Variants in TRPM1 observed in about 807,000 individuals in gnomAD.
The protein encoded by TRPM1 is transient receptor potential cation channel subfamily M member 1.
Under a neutral mutation model 149.4 loss-of-function variants are expected in TRPM1, and 113 were observed. That is an observed-to-expected ratio of 0.76 (90% CI 0.65 to 0.88). The LOEUF (loss-of-function observed/expected upper bound fraction) is 0.88, where lower values mean the gene tolerates loss of function less well. Among genes scored for constraint, TRPM1 ranks in the 40% least tolerant of loss-of-function variants. The pLI is 0.00. For missense variants in TRPM1, 1,976 were observed against 2,038.7 expected (o/e 0.97, Z 0.59); for synonymous variants, 741 against 759.5 (o/e 0.98, Z 0.40).
At chr15:31,147,575 T>A (rs1419884919) in intron 1 of TRPM1, among the ~76,000 whole-genome samples, 1 of 152,196 alleles carries the variant, frequency 6.6e-6, no homozygotes, top group Non-Finnish European at 1.5e-5. Context: ...GACTAAGGAT[T>A]CCCAGTGGCT....
chr15:31,027,415 C>T (rs762172087), intron 25 of TRPM1, among the ~76,000 whole-genome samples: 2 of 152,168 alleles, frequency 1.3e-5, no homozygotes, highest in South Asian at 2.1e-4. Context: ...CTATGTGTAG[C>T]GGTATAAGCC....
At chr15:31,006,623 T>C (rs1201521927) in intron 27 of TRPM1, among the ~76,000 whole-genome samples, 1 of 152,232 alleles carries the variant, frequency 6.6e-6, no homozygotes, top group Non-Finnish European at 1.5e-5. Context: ...GTAGGATAAA[T>C]ACCTAGGAGT....
chr15:31,131,451 T>C (rs1015230457), intron 1 of TRPM1, among the ~76,000 whole-genome samples: 2 of 151,962 alleles, frequency 1.3e-5, no homozygotes, highest in African/African-American at 2.4e-5. Flanking sequence ...GAAAAAAAAA[T>C]GTGTGCAAGT....
chr15:31,070,564 G>A, intron 3 of TRPM1: 1 of 496,392 alleles, frequency 2.0e-6, no homozygotes, highest in South Asian at 1.7e-5. Context: ...ACATAGAGTT[G>A]ACCTTCCAGA....
At chr15:31,146,548 C>T (rs190191203) in intron 1 of TRPM1, among the ~76,000 whole-genome samples, 10 of 152,338 alleles carry the variant, frequency 6.6e-5, no homozygotes, top group Admixed American at 3.3e-4. Context: ...TTACCAAACA[C>T]GCCAATTTCA....
chr15:31,150,276 CTCTGTGA>C lies in TRPM1; in HGVS notation c.54+10623_54+10629del, dbSNP rs540398937. Among the ~76,000 whole-genome samples, 493 of 152,290 alleles carry C rather than the reference CTCTGTGA, an allele frequency of 3.2e-3. 8 individuals are homozygous for C. Among genetic ancestry groups the C allele is most frequent in the African/African-American group, 0.011 (459 of 41,544 alleles). On this transcript the variant is annotated intron_variant, in intron 1 of 26. Transcript: ENST00000542188. Reference sequence around the variant, plus strand: ...TGCATTGTGGATCTCTAACGGAGGACTCTGTGATCCCTTTGGTTTGGAGCTGGGCATG... The same window carrying C: ...TGCATTGTGGATCTCTAACGGAGGACTCCCTTTGGTTTGGAGCTGGGCATG...
At position 31,040,744 on chromosome 15, in the gene TRPM1, G is replaced by A. The variant is rs1245765503; in HGVS notation, c.2088-398C>T. ...TGTGGAGTTGGAGGCCACAGTAGCGGGGCTGCTGGTGGTGGTGGTGGCGGG... is the reference window on the plus strand; with the variant it reads ...TGTGGAGTTGGAGGCCACAGTAGCGAGGCTGCTGGTGGTGGTGGTGGCGGG... On this transcript the variant is annotated intron_variant, in intron 17 of 27. Coordinates refer to ENST00000256552, the MANE Select transcript of TRPM1 (RefSeq NM_001252024.2). The surrounding 1 kb of genome is among the most constrained non-coding windows in gnomAD (Gnocchi z 4.2). Among the ~76,000 whole-genome samples, 1 of 117,662 alleles carries A rather than the reference G, an allele frequency of 8.5e-6. No homozygotes were observed. The highest frequency in any genetic ancestry group is 1.9e-5 in the Non-Finnish European group (1 of 51,920). The allele number at this position is 117,662 out of a possible 152,430, so 77.2% of individuals were successfully genotyped here. A position where few individuals can be genotyped will look rare whatever the true frequency, so the allele number is the denominator to read the frequency against.
At chr15:31,050,196 C>G (rs74010757) in intron 12 of TRPM1, among the ~76,000 whole-genome samples, 4,971 of 152,316 alleles carry the variant, frequency 0.033, 275 homozygotes, top group African/African-American at 0.11. Context: ...ATCATTCCCC[C>G]CAAAGCAGGA....
At chr15:31,027,692 T>A (rs1447926365) in intron 25 of TRPM1, among the ~76,000 whole-genome samples, 2 of 152,240 alleles carry the variant, frequency 1.3e-5, no homozygotes, top group African/African-American at 4.8e-5. Flanking sequence ...AAGCCAGAAG[T>A]TTGGACCAGG....
At position 31,087,218 on chromosome 15, in the gene TRPM1, G is replaced by A. The variant is rs371797101; in HGVS notation, c.-83-5780C>T. ...TATCCTATGATCCAGCAGTTAAGCA[G>A]GTCTCAATAGGGATTTTTTTTTTTT... On this transcript the variant is annotated intron_variant, in intron 1 of 27. Transcript: ENST00000256552. 1.2e-4 allele frequency among the ~76,000 whole-genome samples: 17 copies of A among 144,684 alleles called. No individual in the cohort carries two copies. The East Asian group carries it at 2.4e-3, about 20-fold the overall frequency. 94.9% of individuals were successfully genotyped at this position (144,684 alleles called of 152,430 possible).
At chr15:31,043,315 C>T (rs930240771) in intron 16 of TRPM1, among the ~76,000 whole-genome samples, 5 of 152,200 alleles carry the variant, frequency 3.3e-5, no homozygotes, top group African/African-American at 1.2e-4. Context: ...TGCCTCACCT[C>T]TGGAGTAGCT....
upstream of TRPM1, among the ~76,000 whole-genome samples, chr15:31,106,286 G>A (rs184417184): frequency 2.4e-4 from 37 of 151,228 alleles, no homozygotes; most frequent in South Asian, 4.2e-4. Flanking sequence ...CTACAGGTAC[G>A]TGCCACCATG....
intron 1 of TRPM1, among the ~76,000 whole-genome samples, chr15:31,144,981 G>C (rs2036206762): frequency 6.6e-6 from 1 of 152,140 alleles, no homozygotes; most frequent in Admixed American, 6.5e-5. Context: ...CTCCCAAAGT[G>C]CTGAGATTAC....
At chr15:31,018,865 A>C (rs1489449151) in intron 27 of TRPM1, among the ~76,000 whole-genome samples, 1 of 152,238 alleles carries the variant, frequency 6.6e-6, no homozygotes, top group East Asian at 1.9e-4. Flanking sequence ...CATGTTGGCC[A>C]AGCTGATCTC....
intron 16 of TRPM1, among the ~76,000 whole-genome samples, chr15:31,044,780 CAAAA>C (rs58619377): frequency 1.4e-5 from 1 of 69,530 alleles, no homozygotes; most frequent in Non-Finnish European, 3.0e-5. Flanking sequence ...GACTCCTACT[CAAAA>C]AAAAAAAAAA....
intron 27 of TRPM1, among the ~76,000 whole-genome samples, chr15:31,006,581 T>G (rs1020739734): frequency 6.6e-6 from 1 of 152,252 alleles, no homozygotes; most frequent in Non-Finnish European, 1.5e-5. Flanking sequence ...AACATTCATG[T>G]ACAGGTTTTG....
chr15:31,009,964 T>C (rs1396961462), intron 27 of TRPM1, among the ~76,000 whole-genome samples: 1 of 152,220 alleles, frequency 6.6e-6, no homozygotes, highest in African/African-American at 2.4e-5. Context: ...GTTAAAGCAT[T>C]TTCCTAATAG....
chr15:31,063,006 T>C (rs1216252450), intron 8 of TRPM1, 112 bp downstream of exon 8: 2 of 1,432,232 alleles, frequency 1.4e-6, no homozygotes, highest in Non-Finnish European at 1.9e-6. Context: ...CTAGCAAATC[T>C]TCCTGATTTA....
At chr15:31,008,534 G>T (rs1414536625) in intron 27 of TRPM1, among the ~76,000 whole-genome samples, 1 of 151,994 alleles carries the variant, frequency 6.6e-6, no homozygotes, top group Non-Finnish European at 1.5e-5. Context: ...TTTATTCCTG[G>T]GATAAACTAC....
Sources: allele counts gnomAD v4.1 joint callset (sites outside exome capture counted in the v4.1 genomes callset), GRCh38; gene constraint gnomAD v4.1.1; non-coding constraint Gnocchi (gnomAD v3.1); transcripts MANE v1.5; gene names NCBI Gene and HGNC (gene_info 2026-07-23, HGNC 2026-07-21).